The following LDB2 variants were observed in gnomAD, a reference collection of about 807,000 sequenced individuals.
The protein encoded by LDB2 is LIM domain-binding protein 2.
Under a neutral mutation model 44.3 loss-of-function variants are expected in LDB2, and 12 were observed. The ratio of observed to expected loss-of-function variants is 0.27; its 90% CI spans 0.17 to 0.44. The LOEUF is 0.44. Among genes scored for constraint, LDB2 ranks in the 20% least tolerant of loss-of-function variants. The probability of loss-of-function intolerance (pLI) is 1.00; values close to 1 mark genes in which losing one functional copy is unlikely to be tolerated. For synonymous variants in LDB2, 164 were observed against 174.8 expected, an observed-to-expected ratio of 0.94 and a Z score of 0.49; for missense variants, 344 against 473.5, an observed-to-expected ratio of 0.73 and a Z score of 2.54.
At chr4:16,659,306 G>A (rs548276451) in intron 2 of LDB2, among the ~76,000 whole-genome samples, 11 of 152,218 alleles carry the variant, frequency 7.2e-5, no homozygotes, top group African/African-American at 2.6e-4. Context: ...ACACAGAGGT[G>A]GATAAATCCC....
chr4:16,708,203 G>A (rs993596756), intron 2 of LDB2, among the ~76,000 whole-genome samples: 1 of 151,978 alleles, frequency 6.6e-6, no homozygotes, highest in Non-Finnish European at 1.5e-5. Flanking sequence ...AGCCCAGCAG[G>A]GTGTGGTGGC....
At chr4:16,557,015 T>G (rs559119767) in intron 5 of LDB2, among the ~76,000 whole-genome samples, 18 of 152,208 alleles carry the variant, frequency 1.2e-4, no homozygotes, top group South Asian at 2.1e-4. Context: ...AGAGTCATAT[T>G]AAAACTGTGG....
chr4:16,863,486 T>C (rs1713442131), intron 1 of LDB2, among the ~76,000 whole-genome samples: 1 of 152,164 alleles, frequency 6.6e-6, no homozygotes, highest in African/African-American at 2.4e-5. Flanking sequence ...ACACTATTTG[T>C]AAGAGCTGAT....
At chr4:16,564,872 G>GA (rs1210868779) in intron 5 of LDB2, among the ~76,000 whole-genome samples, 1 of 151,554 alleles carries the variant, frequency 6.6e-6, no homozygotes, top group Non-Finnish European at 1.5e-5. Context: ...TTTGGAGAAA[G>GA]AAAAAAAAGA....
intron 2 of LDB2, among the ~76,000 whole-genome samples, chr4:16,690,314 T>A (rs548185797): frequency 6.6e-6 from 1 of 151,256 alleles, no homozygotes; most frequent in African/African-American, 2.4e-5. Context: ...TACAAAAAAA[T>A]TAGCTGGGAA....
At chr4:16,565,431 G>A (rs1577784044) in intron 5 of LDB2, among the ~76,000 whole-genome samples, 1 of 151,348 alleles carries the variant, frequency 6.6e-6, no homozygotes, top group Non-Finnish European at 1.5e-5. Context: ...GATAAAATTC[G>A]ACATCCATTT....
intron 5 of LDB2, among the ~76,000 whole-genome samples, chr4:16,532,715 C>G (rs1730559451): frequency 6.6e-6 from 1 of 152,146 alleles, no homozygotes; most frequent in South Asian, 2.1e-4. Context: ...TTATTTGTCT[C>G]CATGACACCT....
At chr4:16,513,291 T>G (rs536539088) in intron 5 of LDB2, among the ~76,000 whole-genome samples, 1 of 152,246 alleles carries the variant, frequency 6.6e-6, no homozygotes, top group African/African-American at 2.4e-5. Context: ...AGTTACTTCT[T>G]CTGTTAAGCC....
intron 2 of LDB2, among the ~76,000 whole-genome samples, chr4:16,640,765 T>C (rs1171966567): frequency 1.3e-5 from 2 of 152,212 alleles, no homozygotes; most frequent in Non-Finnish European, 2.9e-5. Context: ...TCAGATAGTC[T>C]TGCTCTACCT....
At chr4:16,727,083 AT>A (rs955067220) in intron 2 of LDB2, among the ~76,000 whole-genome samples, 1 of 152,222 alleles carries the variant, frequency 6.6e-6, no homozygotes, top group African/African-American at 2.4e-5. Flanking sequence ...GATGAAATGC[AT>A]TTAAAAGATG....
At chr4:16,759,308 C>G (rs746520516) in intron 1 of LDB2, 48 bp from the exon 2 acceptor site, 1 of 1,326,622 alleles carries the variant, frequency 7.5e-7, no homozygotes. Flanking sequence ...TGGGAAATAT[C>G]TCAAAGAGGA....
At chr4:16,854,585 G>A (rs917232209) in intron 1 of LDB2, among the ~76,000 whole-genome samples, 2 of 150,518 alleles carry the variant, frequency 1.3e-5, no homozygotes, top group Non-Finnish European at 3.0e-5. Flanking sequence ...AAGCAATAAT[G>A]TAGAGTATAT....
chr4:16,866,283 G>T (rs1561483525), intron 1 of LDB2, among the ~76,000 whole-genome samples: 1 of 152,092 alleles, frequency 6.6e-6, no homozygotes, highest in African/African-American at 2.4e-5. Flanking sequence ...ACATTGGAAA[G>T]GACTGGGAAG....
chr4:16,599,332 A>G (rs1721926577), intron 2 of LDB2, among the ~76,000 whole-genome samples: 1 of 152,112 alleles, frequency 6.6e-6, no homozygotes, highest in African/African-American at 2.4e-5. Flanking sequence ...CCCTTCCTCC[A>G]TCTTCAAAAC....
At chr4:16,897,935 TATAC>T (rs1561574920) in intron 1 of LDB2, among the ~76,000 whole-genome samples, 7 of 15,746 alleles carry the variant, frequency 4.4e-4, no homozygotes, top group South Asian at 1.4e-3. Context: ...TATATATATA[TATAC>T]ACATATGTAT....
At chr4:16,889,572 G>C (rs373632016) in intron 1 of LDB2, among the ~76,000 whole-genome samples, 20 of 152,172 alleles carry the variant, frequency 1.3e-4, no homozygotes, top group East Asian at 5.8e-4. Flanking sequence ...TCTCCTACTG[G>C]AACTGTAGGC....
At chr4:16,648,274 C>T (rs1737320695) in intron 2 of LDB2, among the ~76,000 whole-genome samples, 1 of 152,316 alleles carries the variant, frequency 6.6e-6, no homozygotes, top group South Asian at 2.1e-4. Context: ...TAAATTCCAG[C>T]TCCTTTGCAC....
intron 5 of LDB2, among the ~76,000 whole-genome samples, chr4:16,561,182 A>G (rs1261947074): frequency 1.3e-5 from 2 of 151,708 alleles, no homozygotes; most frequent in Non-Finnish European, 2.9e-5. Context: ...CTCTCTCACC[A>G]CTCCTATTCA....
intron 1 of LDB2, among the ~76,000 whole-genome samples, chr4:16,818,986 T>C (rs1781442242): frequency 6.6e-6 from 1 of 152,200 alleles, no homozygotes; most frequent in Non-Finnish European, 1.5e-5. Context: ...GTGTATTGTA[T>C]AAAGGCAAAG....
Sources: allele counts gnomAD v4.1 joint callset (sites outside exome capture counted in the v4.1 genomes callset), GRCh38; gene constraint gnomAD v4.1.1; transcripts MANE v1.5; gene names NCBI Gene and HGNC (gene_info 2026-07-23, HGNC 2026-07-21).